The following ARHGEF12 variants were observed in gnomAD, a reference collection of about 807,000 sequenced individuals.
ARHGEF12 encodes the protein Rho guanine nucleotide exchange factor 12.
In ARHGEF12, 66 loss-of-function variants were observed where a neutral mutation model predicts 211.2. The ratio of observed to expected loss-of-function variants is 0.31; its 90% CI spans 0.26 to 0.38. The LOEUF is 0.38. Ranked by LOEUF, ARHGEF12 falls within the 10% of genes least tolerant of loss-of-function variation. ARHGEF12 has a pLI of 1.00. For synonymous variants in ARHGEF12, 592 were observed against 638.4 expected, an observed-to-expected ratio of 0.93 and a Z score of 1.09; for missense variants, 1,429 against 1,869.5, an observed-to-expected ratio of 0.76 and a Z score of 4.34.
At chr11:120,375,550 C>CTT (rs751429193) in intron 1 of ARHGEF12, among the ~76,000 whole-genome samples, 12 of 136,834 alleles carry the variant, frequency 8.8e-5, no homozygotes, top group African/African-American at 3.2e-4. Context: ...ATGGGGTGGC[C>CTT]TTTTTTTTTT....
chr11:120,429,358 G>A lies in ARHGEF12; in HGVS notation c.586-82G>A. Reference sequence around the variant, plus strand: ...ATAATTGGAGCCGAGGCAGAACTTTGTATGCCACATTTTCTCTATTTATTT... The same window carrying A: ...ATAATTGGAGCCGAGGCAGAACTTTATATGCCACATTTTCTCTATTTATTT... On this transcript the variant is annotated intron_variant, in intron 8 of 40. Coordinates refer to ENST00000397843, the MANE Select transcript of ARHGEF12 (RefSeq NM_015313.3). The A allele has an allele frequency of 2.6e-6, 3 of 1,175,052 alleles. No individual in the cohort carries two copies. The South Asian group carries it at 4.4e-5, about 17-fold the overall frequency. 72.8% of individuals were successfully genotyped at this position (1,175,052 alleles called of 1,614,324 possible).
chr11:120,409,595 G>A, intron 4 of ARHGEF12, 145 bp downstream of exon 4: 4 of 753,748 alleles, frequency 5.3e-6, no homozygotes, highest in Non-Finnish European at 6.3e-6. Flanking sequence ...TCTACTGCAG[G>A]GAAAGGGAGC....
At chr11:120,421,729 T>C in intron 5 of ARHGEF12, 74 bp from the exon 6 acceptor site, 7 of 1,404,760 alleles carry the variant, frequency 5.0e-6, no homozygotes, top group South Asian at 3.5e-5. Context: ...CAGTTTGTTA[T>C]ACTGTCTCTC....
intron 6 of ARHGEF12, among the ~76,000 whole-genome samples, chr11:120,422,435 C>G (rs1945220705): frequency 6.6e-6 from 1 of 152,194 alleles, no homozygotes; most frequent in Non-Finnish European, 1.5e-5. Flanking sequence ...TAGTGAGACC[C>G]TGTCTTTACA....
rs865850338 is a variant in ARHGEF12, at chr11:120,446,713, G to C, written c.1451+205G>C. ...TCCATTCCAGGCACTTGCAGGATCT[G>C]AGCTCAGTGCTGTGTCTATGCTAAG... On this transcript the variant is annotated intron_variant, in intron 17 of 40. Coordinates refer to ENST00000397843, the MANE Select transcript of ARHGEF12 (RefSeq NM_015313.3). Among the ~76,000 whole-genome samples, 4 of 152,158 alleles carry C rather than the reference G, an allele frequency of 2.6e-5. No individual in the cohort carries two copies. The East Asian group carries it at 7.7e-4, about 29-fold the overall frequency.
intron 27 of ARHGEF12, among the ~76,000 whole-genome samples, chr11:120,461,076 G>T (rs2135905100): frequency 6.6e-6 from 1 of 152,204 alleles, no homozygotes; most frequent in South Asian, 2.1e-4. Context: ...CACCTATGAG[G>T]GTTGGAATCA....
At chr11:120,401,327 A>G (rs1944542562) in intron 1 of ARHGEF12, among the ~76,000 whole-genome samples, 1 of 152,234 alleles carries the variant, frequency 6.6e-6, no homozygotes, top group Non-Finnish European at 1.5e-5. Context: ...CCAGAGAACT[A>G]AAGATTGAAT....
intron 1 of ARHGEF12, among the ~76,000 whole-genome samples, chr11:120,362,570 A>G (rs1943306622): frequency 6.6e-6 from 1 of 152,248 alleles, no homozygotes; most frequent in Non-Finnish European, 1.5e-5. Context: ...TTATTTCTAT[A>G]AACAGTGAGT....
intron 16 of ARHGEF12, 22 bp from the exon 17 acceptor site, chr11:120,446,381 A>G (rs370639210): frequency 1.1e-5 from 17 of 1,584,998 alleles, no homozygotes; most frequent in African/African-American, 1.4e-5. Flanking sequence ...TTTAGATAAC[A>G]TAATTCCTTT....
intron 1 of ARHGEF12, among the ~76,000 whole-genome samples, chr11:120,338,176 T>C (rs1942415717): frequency 6.6e-6 from 1 of 152,262 alleles, no homozygotes; most frequent in African/African-American, 2.4e-5. Flanking sequence ...CACTGCATGC[T>C]AGTCCCAAAT....
Position 120,336,838 on chromosome 11 carries a change from A to G in ARHGEF12, c.-406A>G. Reference sequence around the variant, plus strand: ...GGCCCCGGCCCTTGCCGCGGCGGGGAGTTCGAGGCCCCGAGACTCCGGAGG... The same window carrying G: ...GGCCCCGGCCCTTGCCGCGGCGGGGGGTTCGAGGCCCCGAGACTCCGGAGG... On this transcript the variant is annotated 5_prime_UTR_variant, in exon 1 of 41. Transcript: ENST00000397843. 5.7e-6 allele frequency: 2 copies of G among 353,220 alleles called. No homozygotes were observed. The highest frequency in any genetic ancestry group is 1.0e-5 in the Non-Finnish European group (2 of 197,516). The allele number at this position is 353,220 out of a possible 1,614,324, so 21.9% of individuals were successfully genotyped here.
chr11:120,359,056 C>T (rs1413444027), intron 1 of ARHGEF12, among the ~76,000 whole-genome samples: 1 of 152,074 alleles, frequency 6.6e-6, no homozygotes, highest in Non-Finnish European at 1.5e-5. Context: ...GCTGGCTTTG[C>T]CCTGAGTGAG....
chr11:120,443,021 C>CT (rs371200953), intron 15 of ARHGEF12, among the ~76,000 whole-genome samples: 4,514 of 133,670 alleles, frequency 0.034, 258 homozygotes, highest in African/African-American at 0.1. Flanking sequence ...GAGTGACTGT[C>CT]TTTTTTTTTT....
chr11:120,404,040 T>C (rs1944619732), intron 1 of ARHGEF12, among the ~76,000 whole-genome samples: 1 of 152,208 alleles, frequency 6.6e-6, no homozygotes, highest in Non-Finnish European at 1.5e-5. Context: ...CTTAATCTCC[T>C]ACCTCCATTC....
At chr11:120,432,806 T>C (rs1047839535) in intron 11 of ARHGEF12, among the ~76,000 whole-genome samples, 4 of 152,222 alleles carry the variant, frequency 2.6e-5, no homozygotes, top group African/African-American at 9.6e-5. Context: ...TTGTTGTTTT[T>C]TAAAAAGGAA....
intron 4 of ARHGEF12, among the ~76,000 whole-genome samples, chr11:120,413,109 G>C (rs564184072): frequency 3.2e-4 from 48 of 152,270 alleles, no homozygotes; most frequent in Middle Eastern, 3.4e-3. Context: ...GAAAGTACAG[G>C]TAGTTATTAA....
intron 1 of ARHGEF12, among the ~76,000 whole-genome samples, chr11:120,348,965 G>A (rs1700109733): frequency 2.0e-5 from 3 of 152,186 alleles, no homozygotes; most frequent in Admixed American, 1.3e-4. Context: ...ATATGTAAAT[G>A]TTCCAAAACA....
At chr11:120,368,448 A>G (rs1422737715) in intron 1 of ARHGEF12, among the ~76,000 whole-genome samples, 1 of 152,152 alleles carries the variant, frequency 6.6e-6, no homozygotes, top group Non-Finnish European at 1.5e-5. Context: ...TGACCTGAGT[A>G]GCCTTTTTAT....
At chr11:120,412,194 G>C (rs142896065) in intron 4 of ARHGEF12, among the ~76,000 whole-genome samples, 1 of 152,160 alleles carries the variant, frequency 6.6e-6, no homozygotes, top group African/African-American at 2.4e-5. Context: ...GTGGGTTACT[G>C]TAGGAAATGA....
Sources: allele counts gnomAD v4.1 joint callset (sites outside exome capture counted in the v4.1 genomes callset), GRCh38; gene constraint gnomAD v4.1.1; transcripts MANE v1.5; gene names NCBI Gene and HGNC (gene_info 2026-07-23, HGNC 2026-07-21).